The following PARD3B variants were observed in gnomAD, a reference collection of about 807,000 sequenced individuals.
The protein encoded by PARD3B is par-3 family cell polarity regulator beta, also known as partitioning defective 3 homolog B.
A neutral mutation model predicts 130.2 loss-of-function variants in PARD3B; 103 were observed. The observed-to-expected ratio is 0.79, with a 90% CI of 0.67 to 0.93. The LOEUF is 0.93. Among genes scored for constraint, PARD3B ranks in the 40% least tolerant of loss-of-function variants. The pLI, the probability that PARD3B is intolerant of heterozygous loss-of-function variation, is 0.00. For synonymous variants in PARD3B, 583 were observed against 553.2 expected (o/e 1.05, Z -0.76); for missense variants, 1,609 against 1,499.2 (o/e 1.07, Z -1.21).
At chr2:205,273,164 T>C (rs1358836819) in intron 16 of PARD3B, among the ~76,000 whole-genome samples, 4 of 152,222 alleles carry the variant, frequency 2.6e-5, no homozygotes, top group Non-Finnish European at 5.9e-5. Flanking sequence ...TTCATGAATA[T>C]TAGATTGTGT....
At chr2:204,936,548 T>C (rs1688477737) in intron 2 of PARD3B, among the ~76,000 whole-genome samples, 1 of 152,158 alleles carries the variant, frequency 6.6e-6, no homozygotes, top group Non-Finnish European at 1.5e-5. Context: ...AATAATCCCA[T>C]TGAAAAATAA....
chr2:205,198,574 G>A (rs11681930), intron 15 of PARD3B, among the ~76,000 whole-genome samples: 37,585 of 152,014 alleles, frequency 0.25, 5,017 homozygotes, highest in East Asian at 0.33. Flanking sequence ...AGCCAACTGA[G>A]TTCTCACATC....
chr2:205,233,844 A>T (rs1194770726), intron 15 of PARD3B, among the ~76,000 whole-genome samples: 1 of 152,234 alleles, frequency 6.6e-6, no homozygotes, highest in Non-Finnish European at 1.5e-5. Flanking sequence ...GAAAGTGACA[A>T]CAGAATGGTT....
At chr2:204,739,816 A>C (rs1414125147) in intron 2 of PARD3B, among the ~76,000 whole-genome samples, 3 of 151,980 alleles carry the variant, frequency 2.0e-5, no homozygotes, top group Non-Finnish European at 4.4e-5. Context: ...TTATCGGAAA[A>C]AAATTTTTGG....
intron 4 of PARD3B, among the ~76,000 whole-genome samples, chr2:205,063,283 A>G (rs1006729782): frequency 5.9e-5 from 9 of 152,028 alleles, no homozygotes; most frequent in Non-Finnish European, 1.3e-4. Context: ...AAAGTATCAC[A>G]TGCACCCTCA....
intron 20 of PARD3B, among the ~76,000 whole-genome samples, chr2:205,450,643 T>G (rs898384381): frequency 5.3e-5 from 8 of 151,710 alleles, no homozygotes; most frequent in African/African-American, 1.9e-4. Flanking sequence ...CCGGCTAATT[T>G]TTTTGTATTT....
chr2:204,556,694 C>T (rs1016481294), intron 1 of PARD3B, among the ~76,000 whole-genome samples: 5 of 152,102 alleles, frequency 3.3e-5, no homozygotes, highest in Non-Finnish European at 7.3e-5. Flanking sequence ...GATTTTCATG[C>T]TGTCTTAATG....
chr2:204,645,462 T>C (rs932961994), intron 1 of PARD3B, among the ~76,000 whole-genome samples: 6 of 152,186 alleles, frequency 3.9e-5, no homozygotes, highest in African/African-American at 1.4e-4. Flanking sequence ...AAAAAAATTT[T>C]GTTTCATGGG....
intron 1 of PARD3B, among the ~76,000 whole-genome samples, chr2:204,581,755 G>T (rs889600885): frequency 1.3e-5 from 2 of 152,170 alleles, no homozygotes; most frequent in South Asian, 2.1e-4. Context: ...TAGTTATCTT[G>T]CTCAAGGTTA....
intron 2 of PARD3B, among the ~76,000 whole-genome samples, chr2:204,919,560 A>C (rs2047584504): frequency 6.6e-6 from 1 of 152,160 alleles, no homozygotes; most frequent in Non-Finnish European, 1.5e-5. Flanking sequence ...TTCACCGTTT[A>C]GTATATTTGT....
At chr2:204,899,285 C>T (rs1369224978) in intron 2 of PARD3B, among the ~76,000 whole-genome samples, 1 of 128,376 alleles carries the variant, frequency 7.8e-6, no homozygotes, top group Admixed American at 9.5e-5. Flanking sequence ...TTCCTGTCTT[C>T]CTTCCTGTCT....
intron 21 of PARD3B, among the ~76,000 whole-genome samples, chr2:205,520,131 G>T (rs1233614007): frequency 1.3e-5 from 2 of 152,158 alleles, no homozygotes. Context: ...AGGGACCTTA[G>T]TAGTGATTGT....
intron 2 of PARD3B, among the ~76,000 whole-genome samples, chr2:204,956,879 CT>C (rs1231620068): frequency 1.3e-5 from 2 of 152,138 alleles, no homozygotes; most frequent in Non-Finnish European, 2.9e-5. Context: ...CTTCTCCCTG[CT>C]TTTGTTCTGG....
At chr2:204,737,613 A>C (rs1324117130) in intron 2 of PARD3B, among the ~76,000 whole-genome samples, 2 of 151,838 alleles carry the variant, frequency 1.3e-5, no homozygotes, top group Admixed American at 1.3e-4. Context: ...TTTTTGTTGC[A>C]TTTGCTTTTG....
At chr2:205,320,729 A>T (rs2042725224) in intron 18 of PARD3B, among the ~76,000 whole-genome samples, 1 of 152,262 alleles carries the variant, frequency 6.6e-6, no homozygotes, top group Admixed American at 6.5e-5. Context: ...AATCCAGTTG[A>T]CATTTTAAGT....
intron 6 of PARD3B, among the ~76,000 whole-genome samples, chr2:205,118,243 A>G (rs1240113107): frequency 1.3e-5 from 2 of 152,102 alleles, no homozygotes; most frequent in African/African-American, 4.8e-5. Context: ...TTAGCTCTCA[A>G]ATCTTTGAAG....
chr2:204,779,462 A>T (rs895888010), intron 2 of PARD3B, among the ~76,000 whole-genome samples: 18 of 152,188 alleles, frequency 1.2e-4, no homozygotes, highest in African/African-American at 4.3e-4. Flanking sequence ...GTCTTAACAG[A>T]TGACATAATG....
intron 18 of PARD3B, among the ~76,000 whole-genome samples, chr2:205,306,549 T>C (rs2042190346): frequency 6.6e-6 from 1 of 152,232 alleles, no homozygotes; most frequent in South Asian, 2.1e-4. Context: ...TCATACTTCA[T>C]TGCCCATAAT....
At position 205,616,020 on chromosome 2, in the gene PARD3B, G is replaced by A. The variant is rs999597319; in HGVS notation, c.*207G>A. Reference sequence around the variant, plus strand: ...GAGGAAAAAAAATCAGAAGGAAGACGAAAGATGGGGCTATAAAAACAAAAC... The same window carrying A: ...GAGGAAAAAAAATCAGAAGGAAGACAAAAGATGGGGCTATAAAAACAAAAC... On this transcript the variant is annotated 3_prime_UTR_variant, in exon 23 of 23. Transcript: ENST00000406610. 1.6e-5 allele frequency: 9 copies of A among 551,292 alleles called. No individual in the cohort carries two copies. Among genetic ancestry groups the A allele is most frequent in the East Asian group, 6.0e-5 (2 of 33,600 alleles). 34.2% of individuals were successfully genotyped at this position (551,292 alleles called of 1,614,324 possible).
Sources: allele counts gnomAD v4.1 joint callset (sites outside exome capture counted in the v4.1 genomes callset), GRCh38; gene constraint gnomAD v4.1.1; transcripts MANE v1.5; gene names NCBI Gene and HGNC (gene_info 2026-07-23, HGNC 2026-07-21).